CARMIL1: variants seen among roughly 807,000 people sequenced by gnomAD.
The protein encoded by CARMIL1 is capping protein regulator and myosin 1 linker 1.
A neutral mutation model predicts 177.1 loss-of-function variants in CARMIL1; 90 were observed. That is an observed-to-expected ratio of 0.51 (90% confidence interval 0.43 to 0.61). CARMIL1 has a LOEUF of 0.61. Ranked by LOEUF, CARMIL1 falls within the 20% of genes least tolerant of loss-of-function variation. The pLI is 0.00. For synonymous variants in CARMIL1, 577 were observed against 606.2 expected, an observed-to-expected ratio of 0.95 and a Z score of 0.71; for missense variants, 1,380 against 1,667.0, an observed-to-expected ratio of 0.83 and a Z score of 3.00.
At chr6:25,475,871 C>T (rs1479600699) in intron 11 of CARMIL1, among the ~76,000 whole-genome samples, 2 of 152,210 alleles carry the variant, frequency 1.3e-5, no homozygotes, top group African/African-American at 4.8e-5. Flanking sequence ...TTTGGAGCTC[C>T]TGTGCAAACT....
intron 31 of CARMIL1, among the ~76,000 whole-genome samples, chr6:25,589,941 A>G (rs1814135710): frequency 1.3e-5 from 2 of 152,194 alleles, no homozygotes; most frequent in South Asian, 2.1e-4. Context: ...TCAGACAGAG[A>G]AAAAGGGGGT....
chr6:25,544,503 CAT>C (rs1809235018), intron 26 of CARMIL1, among the ~76,000 whole-genome samples: 1 of 151,674 alleles, frequency 6.6e-6, no homozygotes, highest in Non-Finnish European at 1.5e-5. Context: ...GAGTACATAA[CAT>C]ATCAATCTAG....
intron 2 of CARMIL1, among the ~76,000 whole-genome samples, chr6:25,288,886 A>G (rs1036965156): frequency 4.6e-5 from 7 of 152,230 alleles, no homozygotes; most frequent in Admixed American, 2.6e-4. Flanking sequence ...TCTATTCTCA[A>G]ATAAATTTGG....
At chr6:25,556,934 T>C (rs1810678403) in intron 29 of CARMIL1, 84 bp downstream of exon 29, 2 of 1,382,040 alleles carry the variant, frequency 1.4e-6, no homozygotes, top group African/African-American at 2.9e-5. Flanking sequence ...ATCTCACCTT[T>C]TGAAATCAGA....
chr6:25,484,996 C>T (rs571879420), intron 12 of CARMIL1, among the ~76,000 whole-genome samples: 18 of 152,224 alleles, frequency 1.2e-4, no homozygotes, highest in African/African-American at 4.1e-4. Context: ...GACAGGGCCA[C>T]TGCACTCCAG....
At chr6:25,383,672 C>T (rs1380066186) in intron 2 of CARMIL1, 1 of 152,106 alleles carries the variant, frequency 6.6e-6, no homozygotes, top group Non-Finnish European at 1.5e-5. Flanking sequence ...CGAAGGATGA[C>T]ATGCAAATTT....
chr6:25,447,318 T>A (rs1024973591), intron 5 of CARMIL1, among the ~76,000 whole-genome samples: 1 of 152,232 alleles, frequency 6.6e-6, no homozygotes. Context: ...TGATTTGATA[T>A]GTATTTGAGG....
In CARMIL1 at chr6:25,458,194, C is replaced by T. The variant is rs563483636; in HGVS notation, c.614+7483C>T. ...GAGATCTAGACTCTCAATCCCTTGT[C>T]AACTTCTTTGTTTTTGCATTTTAAC... On this transcript the variant is annotated intron_variant, in intron 8 of 36. Coordinates refer to ENST00000329474, the MANE Select transcript of CARMIL1 (RefSeq NM_017640.6). Among the ~76,000 whole-genome samples, 6 of 152,188 alleles carry T rather than the reference C, an allele frequency of 3.9e-5. 1 individual carries two copies. The highest frequency in any genetic ancestry group is 4.2e-4 in the South Asian group (2 of 4,808).
At chr6:25,459,212 T>C (rs1163269261) in intron 8 of CARMIL1, among the ~76,000 whole-genome samples, 1 of 42,580 alleles carries the variant, frequency 2.3e-5, no homozygotes, top group Admixed American at 3.0e-4. Context: ...TCCCAACTTT[T>C]TCTTTCTTTC....
chr6:25,302,027 G>A (rs1432573088), intron 2 of CARMIL1, among the ~76,000 whole-genome samples: 1 of 131,692 alleles, frequency 7.6e-6, no homozygotes, highest in Admixed American at 7.9e-5. Context: ...AGTTTGAAAA[G>A]CCTTAAAAAA....
At chr6:25,513,625 G>T (rs987151075) in intron 20 of CARMIL1, among the ~76,000 whole-genome samples, 1 of 152,100 alleles carries the variant, frequency 6.6e-6, no homozygotes, top group Non-Finnish European at 1.5e-5. Context: ...GTCTCCTGTA[G>T]CCCTTTGGTA....
At chr6:25,555,639 C>T (rs1326118694) in intron 28 of CARMIL1, among the ~76,000 whole-genome samples, 1 of 152,114 alleles carries the variant, frequency 6.6e-6, no homozygotes, top group Non-Finnish European at 1.5e-5. Flanking sequence ...TCAAGTGATC[C>T]ACCTGCCTCA....
intron 2 of CARMIL1, among the ~76,000 whole-genome samples, chr6:25,300,810 G>A (rs991500894): frequency 1.3e-5 from 2 of 152,154 alleles, no homozygotes; most frequent in African/African-American, 4.8e-5. Flanking sequence ...TAGTTACTTA[G>A]GTAACTAGGT....
In CARMIL1 at chr6:25,356,690, T is replaced by C. The variant is rs117269056; in HGVS notation, c.139-63424T>C. ...ATGCCCTCTGGCAGCCAAGTTCTTA[T>C]CTTGGGGAGCTACATCACAGGTGTT... On this transcript the variant is annotated intron_variant, in intron 2 of 36. Coordinates refer to ENST00000329474, the MANE Select transcript of CARMIL1 (RefSeq NM_017640.6). 3.4e-3 allele frequency among the ~76,000 whole-genome samples: 517 copies of C among 152,364 alleles called. 19 individuals carry two copies. In the East Asian group the frequency reaches 0.082, roughly 24 times the overall value.
intron 29 of CARMIL1, among the ~76,000 whole-genome samples, chr6:25,557,207 C>T (rs989492386): frequency 1.3e-5 from 2 of 152,126 alleles, no homozygotes; most frequent in African/African-American, 4.8e-5. Context: ...TAGGGTGACT[C>T]TTTCTTGGTC....
At chr6:25,422,063 G>C (rs970665285) in intron 3 of CARMIL1, among the ~76,000 whole-genome samples, 2 of 152,098 alleles carry the variant, frequency 1.3e-5, no homozygotes, top group African/African-American at 4.8e-5. Flanking sequence ...GCTAAAAGAT[G>C]TGAAGTTGGC....
At chr6:25,298,160 A>T (rs1255734405) in intron 2 of CARMIL1, among the ~76,000 whole-genome samples, 2 of 152,256 alleles carry the variant, frequency 1.3e-5, no homozygotes, top group Non-Finnish European at 2.9e-5. Context: ...CCTGGCACAT[A>T]GTAAGTCATG....
At chr6:25,613,732 G>C (rs1396287495) in intron 36 of CARMIL1, among the ~76,000 whole-genome samples, 1 of 152,174 alleles carries the variant, frequency 6.6e-6, no homozygotes, top group African/African-American at 2.4e-5. Context: ...CTTAGTATCT[G>C]TAAGGAATAT....
intron 33 of CARMIL1, 26 bp from the exon 34 acceptor site, chr6:25,604,786 G>T (rs561022465): frequency 6.5e-7 from 1 of 1,536,184 alleles, no homozygotes; most frequent in Non-Finnish European, 8.8e-7. Context: ...TGCACTTTTT[G>T]GGGGGATGGT....
Sources: allele counts gnomAD v4.1 joint callset (sites outside exome capture counted in the v4.1 genomes callset), GRCh38; gene constraint gnomAD v4.1.1; transcripts MANE v1.5; gene names NCBI Gene and HGNC (gene_info 2026-07-23, HGNC 2026-07-21).